CAMTA1: variants seen among roughly 807,000 people sequenced by gnomAD.
The protein encoded by CAMTA1 is calmodulin-binding transcription activator 1.
A neutral mutation model predicts 170.9 loss-of-function variants in CAMTA1; 27 were observed. That is an observed-to-expected ratio of 0.16 (90% CI 0.12 to 0.22). CAMTA1 has a LOEUF of 0.22. Among genes scored for constraint, CAMTA1 ranks in the 10% least tolerant of loss-of-function variants. CAMTA1 has a pLI of 1.00. For missense variants in CAMTA1, 1,619 were observed against 2,217.2 expected (o/e 0.73, Z 5.42); for synonymous variants, 833 against 891.5 (o/e 0.93, Z 1.17).
chr1:7,329,467 A>G (rs1013127136), intron 5 of CAMTA1, among the ~76,000 whole-genome samples: 1 of 152,196 alleles, frequency 6.6e-6, no homozygotes, highest in Non-Finnish European at 1.5e-5. Flanking sequence ...TTGCCAATTT[A>G]TGTCAAATTG....
At chr1:7,351,933 T>C (rs1429485353) in intron 5 of CAMTA1, among the ~76,000 whole-genome samples, 1 of 152,192 alleles carries the variant, frequency 6.6e-6, no homozygotes, top group Non-Finnish European at 1.5e-5. Context: ...AAGGAGTTTT[T>C]ATACAAAAGA....
intron 3 of CAMTA1, among the ~76,000 whole-genome samples, chr1:6,925,864 C>T (rs948864508): frequency 6.6e-6 from 1 of 152,202 alleles, no homozygotes; most frequent in South Asian, 2.1e-4. Flanking sequence ...TGATCCATCA[C>T]CAGGAGGCAG....
intron 4 of CAMTA1, among the ~76,000 whole-genome samples, chr1:7,134,384 T>G (rs1558148796): frequency 6.6e-6 from 1 of 152,162 alleles, no homozygotes; most frequent in Non-Finnish European, 1.5e-5. Context: ...AGCCTTGACT[T>G]CTTGGGCTCC....
chr1:7,638,049 A>G (rs1400661255), intron 6 of CAMTA1, among the ~76,000 whole-genome samples: 1 of 152,168 alleles, frequency 6.6e-6, no homozygotes, highest in Non-Finnish European at 1.5e-5. Context: ...TACATTGGTC[A>G]TGGTGTGGTC....
chr1:7,705,078 G>C (rs1274652819), intron 11 of CAMTA1, among the ~76,000 whole-genome samples: 1 of 150,900 alleles, frequency 6.6e-6, no homozygotes, highest in African/African-American at 2.4e-5. Context: ...CCGGGAGGGC[G>C]TGCGCGGACC....
At chr1:7,743,608 A>G (rs556810915) in intron 16 of CAMTA1, among the ~76,000 whole-genome samples, 1 of 152,032 alleles carries the variant, frequency 6.6e-6, no homozygotes, top group Non-Finnish European at 1.5e-5. Context: ...ACTTAGCAGG[A>G]TGTTGTTGAG....
intron 3 of CAMTA1, among the ~76,000 whole-genome samples, chr1:7,078,652 G>C (rs2148001250): frequency 6.6e-6 from 1 of 152,322 alleles, no homozygotes; most frequent in Middle Eastern, 3.4e-3. Context: ...ACTAGGACTA[G>C]ATTCATCCTC....
At chr1:7,284,177 C>CTTCTTCTTCTTATTATTA (rs1333698169) in intron 5 of CAMTA1, among the ~76,000 whole-genome samples, 1 of 99,308 alleles carries the variant, frequency 1.0e-5, no homozygotes, top group East Asian at 2.9e-4. Flanking sequence ...TCTTCTTCTT[C>CTTCTTCTTCTTATTATTA]TTATTATTAT....
In CAMTA1 at chr1:7,456,145, C is replaced by T. The variant is rs1055345973; in HGVS notation, c.439-11685C>T. 7.0e-6 allele frequency among the ~76,000 whole-genome samples: 1 copy of T among 142,960 alleles called. No homozygotes were observed. The highest frequency in any genetic ancestry group is 1.5e-5 in the Non-Finnish European group (1 of 66,502). The allele number at this position is 142,960 out of a possible 152,430, so 93.8% of individuals were successfully genotyped here. A position where few individuals can be genotyped will look rare whatever the true frequency, so the allele number is the denominator to read the frequency against. On this transcript the variant is annotated intron_variant, in intron 5 of 22. Transcript: ENST00000303635. This position sits in a 1 kb window ranked among gnomAD's most constrained non-coding sequence, Gnocchi z 4.9. ...GTGAAGGGTGAGGGGGTACCCATAA[C>T]AGAGGGATGGAGGAAGGGAGGGAGG...
At chr1:7,051,288 A>T (rs1706311191) in intron 3 of CAMTA1, among the ~76,000 whole-genome samples, 1 of 152,172 alleles carries the variant, frequency 6.6e-6, no homozygotes, top group African/African-American at 2.4e-5. Context: ...GGCCACGTGC[A>T]GAGGCAGACG....
chr1:6,922,931 G>T (rs775050011), intron 3 of CAMTA1, among the ~76,000 whole-genome samples: 9 of 152,186 alleles, frequency 5.9e-5, no homozygotes, highest in Non-Finnish European at 1.3e-4. Flanking sequence ...TCACTCCGGT[G>T]ACGGTGGCAA....
At chr1:6,837,245 C>G (rs552705666) in intron 3 of CAMTA1, among the ~76,000 whole-genome samples, 1 of 152,024 alleles carries the variant, frequency 6.6e-6, no homozygotes, top group Non-Finnish European at 1.5e-5. Context: ...CGTGAGCCAC[C>G]GTGCCTGGCA....
At chr1:7,425,812 G>A (rs1037638673) in intron 5 of CAMTA1, among the ~76,000 whole-genome samples, 11 of 152,106 alleles carry the variant, frequency 7.2e-5, no homozygotes, top group Non-Finnish European at 1.6e-4. Flanking sequence ...GGGACTCCCA[G>A]TCTCCCTTTC....
chr1:7,257,078 G>GGGT (rs1026534396), intron 5 of CAMTA1, among the ~76,000 whole-genome samples: 2 of 131,712 alleles, frequency 1.5e-5, no homozygotes, highest in African/African-American at 8.6e-5. Flanking sequence ...TCGCATGGCG[G>GGGT]GGGCGGGGGT....
At chr1:7,279,474 A>C (rs1360149981) in intron 5 of CAMTA1, among the ~76,000 whole-genome samples, 2 of 152,140 alleles carry the variant, frequency 1.3e-5, no homozygotes, top group African/African-American at 4.8e-5. Flanking sequence ...CGGCAGCCCC[A>C]AAAGCTGTCA....
chr1:7,449,186 A>G (rs1033404512), intron 5 of CAMTA1, among the ~76,000 whole-genome samples: 1 of 152,202 alleles, frequency 6.6e-6, no homozygotes, highest in Non-Finnish European at 1.5e-5. Context: ...TTCTAGACAA[A>G]CCACAAGGCT....
chr1:7,410,963 GTGTGTATGTGTGTGTATATGTGTT>G (rs1557669591), intron 5 of CAMTA1, among the ~76,000 whole-genome samples: 1 of 151,096 alleles, frequency 6.6e-6, no homozygotes, highest in Non-Finnish European at 1.5e-5. Flanking sequence ...GTATGTCTGT[GTGTGTATGTGTGTGTATATGTGTT>G]TGTGTATGTG....
chr1:7,665,089 G>A lies in CAMTA1; in HGVS notation c.2542G>A (p.Val848Ile), dbSNP rs142045456. ...GGASTMAYMH[V>I]AEVVSAASAQ... ...GGCCAGCACCATGGCCTACATGCAC[G>A]TCGCCGAGGTGGTCTCGGCCGCCTC... Residue 848 changes from valine to isoleucine, a missense_variant, in exon 9 of 23, where the codon GTC (valine) becomes ATC (isoleucine). Physicochemically the swap from Val to Ile is conservative, Grantham distance 29. Around this residue, in one of 8 missense-constraint regions of CAMTA1, gnomAD observed 731 missense variants for 907.6 expected, o/e 0.81. Coordinates refer to ENST00000303635, the MANE Select transcript of CAMTA1 (RefSeq NM_015215.4). The surrounding 1 kb of genome is among the most constrained non-coding windows in gnomAD (Gnocchi z 4.3). The A allele has an allele frequency of 1.1e-4, 175 of 1,545,358 alleles. 2 individuals are homozygous for A. In the East Asian group the frequency reaches 3.7e-3, roughly 32 times the overall value.
chr1:7,405,348 C>A (rs1278909716), intron 5 of CAMTA1, among the ~76,000 whole-genome samples: 2 of 151,526 alleles, frequency 1.3e-5, no homozygotes, highest in Non-Finnish European at 2.9e-5. Context: ...AAAAGCTTTT[C>A]TTTTCTTTTT....
Sources: allele counts gnomAD v4.1 joint callset (sites outside exome capture counted in the v4.1 genomes callset), GRCh38; gene constraint gnomAD v4.1.1; regional missense constraint gnomAD v4.1.1; non-coding constraint Gnocchi (gnomAD v3.1); transcripts MANE v1.5; gene names NCBI Gene and HGNC (gene_info 2026-07-23, HGNC 2026-07-21).